Variants in GRK5 observed in about 807,000 individuals in gnomAD.
GRK5 encodes g protein-coupled receptor kinase GRK5.
In GRK5, 40 loss-of-function variants were observed where a neutral mutation model predicts 78.4. That is an observed-to-expected ratio of 0.51 (90% CI 0.40 to 0.66). The LOEUF (loss-of-function observed/expected upper bound fraction) is 0.66. GRK5 is among the 30% of genes least tolerant of loss of function. The probability of loss-of-function intolerance (pLI) is 0.00; values close to 1 mark genes in which losing one functional copy is unlikely to be tolerated. For synonymous variants in GRK5, 289 were observed against 296.8 expected, an observed-to-expected ratio of 0.97 and a Z score of 0.27; for missense variants, 598 against 759.9, an observed-to-expected ratio of 0.79 and a Z score of 2.50.
intron 2 of GRK5, among the ~76,000 whole-genome samples, chr10:119,351,319 C>T (rs1016105618): frequency 9.2e-5 from 14 of 152,162 alleles, no homozygotes; most frequent in African/African-American, 1.7e-4. Context: ...ACCCAAGTCT[C>T]GTCTTGAATC....
chr10:119,453,907 A>G (rs1034351515), intron 15 of GRK5, among the ~76,000 whole-genome samples: 1 of 152,260 alleles, frequency 6.6e-6, no homozygotes, highest in East Asian at 1.9e-4. Context: ...GGCCCTGGGT[A>G]AGGGTTGGTG....
chr10:119,442,421 G>A (rs140664816), intron 11 of GRK5, among the ~76,000 whole-genome samples: 1 of 152,212 alleles, frequency 6.6e-6, no homozygotes. Context: ...TGGGAGGAGA[G>A]GCCTTTGAGA....
intron 1 of GRK5, among the ~76,000 whole-genome samples, chr10:119,310,700 G>A (rs965152113): frequency 9.9e-5 from 15 of 152,192 alleles, no homozygotes; most frequent in African/African-American, 3.6e-4. Flanking sequence ...CAGGCAGGGC[G>A]GGGTTGGGGA....
Position 119,443,662 on chromosome 10 carries a change from G to A in GRK5, c.1176G>A (p.Val392=), listed in dbSNP as rs200876105. 1.7e-5 allele frequency: 28 copies of A among 1,613,624 alleles called. No homozygotes were observed. In the East Asian group the frequency reaches 2.7e-4, roughly 15 times the overall value. The change falls in exon 12 of 16, where the codon GTG becomes GTA. Residue 392 remains valine, a synonymous_variant. Coordinates refer to ENST00000392870, the MANE Select transcript of GRK5 (RefSeq NM_005308.3). ...CGTTCCGCGGCCGCAAGGAGAAGGT[G>A]AAGCGGGAGGAGGTGGACCGCCGGG... ...QSPFRGRKEK[V]KREEVDRRVL... is the part of the protein sequence containing the mutation.
chr10:119,272,591 A>G (rs919020510), intron 1 of GRK5, among the ~76,000 whole-genome samples: 10 of 115,422 alleles, frequency 8.7e-5, no homozygotes, highest in Non-Finnish European at 1.5e-4. Context: ...AAAAAAAAAA[A>G]AAGAAAGAAA....
intron 3 of GRK5, among the ~76,000 whole-genome samples, chr10:119,382,923 C>CTTTT (rs71016567): frequency 6.7e-6 from 1 of 149,034 alleles, no homozygotes. Context: ...ATATTTCTTT[C>CTTTT]TTTTTTTTTT....
At chr10:119,387,392 G>A (rs1224802704) in intron 3 of GRK5, among the ~76,000 whole-genome samples, 1 of 152,204 alleles carries the variant, frequency 6.6e-6, no homozygotes, top group Non-Finnish European at 1.5e-5. Flanking sequence ...TTTCTGGGCA[G>A]CAGAACTGTT....
intron 9 of GRK5, among the ~76,000 whole-genome samples, chr10:119,437,756 T>C (rs1197283706): frequency 6.6e-6 from 1 of 152,218 alleles, no homozygotes; most frequent in Non-Finnish European, 1.5e-5. Context: ...TATAGATACA[T>C]ACAAGAGTTT....
intron 2 of GRK5, among the ~76,000 whole-genome samples, chr10:119,365,977 C>T (rs1036401870): frequency 1.3e-5 from 2 of 152,198 alleles, no homozygotes; most frequent in African/African-American, 4.8e-5. Flanking sequence ...TATTGCACCC[C>T]GGCTCTGTGC....
chr10:119,427,526 G>A (rs866916624), intron 6 of GRK5, among the ~76,000 whole-genome samples: 53 of 144,902 alleles, frequency 3.7e-4, no homozygotes, highest in African/African-American at 1.2e-3. Flanking sequence ...CAGCATCACC[G>A]CCATCATCAG....
intron 3 of GRK5, among the ~76,000 whole-genome samples, chr10:119,391,324 T>C (rs1851884830): frequency 6.6e-6 from 1 of 151,946 alleles, no homozygotes; most frequent in African/African-American, 2.4e-5. Context: ...ACCCCCATCA[T>C]GCACTGCTCG....
intron 1 of GRK5, among the ~76,000 whole-genome samples, chr10:119,302,692 C>T (rs971175595): frequency 2.0e-5 from 3 of 152,206 alleles, no homozygotes; most frequent in African/African-American, 7.2e-5. Context: ...AATGTAAATA[C>T]TTCTTGGGGC....
chr10:119,355,029 G>A (rs1411461373), intron 2 of GRK5, among the ~76,000 whole-genome samples: 1 of 151,942 alleles, frequency 6.6e-6, no homozygotes, highest in Admixed American at 6.6e-5. Context: ...TAATTCTCCT[G>A]TATACTTTAA....
rs1346280837 is a variant in GRK5 at position 119,430,935 on chromosome 10, G to A, written c.598-452G>A. Among the ~76,000 whole-genome samples the A allele has an allele frequency of 2.6e-5, 4 of 152,226 alleles. No individual in the cohort carries two copies. The highest frequency in any genetic ancestry group is 5.9e-5 in the Non-Finnish European group (4 of 68,028). On this transcript the variant is annotated intron_variant, in intron 7 of 15. Transcript: ENST00000392870. The surrounding 1 kb of genome is among the most constrained non-coding windows in gnomAD (Gnocchi z 4.5). ...ACCCAGCCAAGGGCGCGCAGACAATGTGAGGCAGAGCTAAGACTTAAGCCC... is the reference window on the plus strand; with the variant it reads ...ACCCAGCCAAGGGCGCGCAGACAATATGAGGCAGAGCTAAGACTTAAGCCC...
At chr10:119,260,553 C>A (rs887686976) in intron 1 of GRK5, among the ~76,000 whole-genome samples, 3 of 151,824 alleles carry the variant, frequency 2.0e-5, no homozygotes, top group South Asian at 2.1e-4. Flanking sequence ...GACCCTGCGG[C>A]CTTCCGCAGC....
At chr10:119,352,666 T>G (rs1418773014) in intron 2 of GRK5, among the ~76,000 whole-genome samples, 1 of 152,180 alleles carries the variant, frequency 6.6e-6, no homozygotes, top group Non-Finnish European at 1.5e-5. Context: ...GAGGGGAAAG[T>G]TGCAGCGATT....
intron 1 of GRK5, among the ~76,000 whole-genome samples, chr10:119,209,487 GT>G (rs60169912): frequency 0.012 from 1,158 of 98,518 alleles, 22 homozygotes; most frequent in African/African-American, 0.036. Context: ...TGTGTGTGTG[GT>G]TTTTTTTTTT....
chr10:119,284,309 T>G (rs1029344337), intron 1 of GRK5, among the ~76,000 whole-genome samples: 18 of 152,166 alleles, frequency 1.2e-4, no homozygotes, highest in South Asian at 6.2e-4. Flanking sequence ...GGTTATCATT[T>G]TAGTATATCA....
intron 4 of GRK5, among the ~76,000 whole-genome samples, chr10:119,421,205 C>T (rs1046593449): frequency 2.6e-5 from 4 of 152,228 alleles, no homozygotes; most frequent in East Asian, 1.9e-4. Flanking sequence ...GCCAAGCCAT[C>T]GGCTCTCTCC....
Sources: allele counts gnomAD v4.1 joint callset (sites outside exome capture counted in the v4.1 genomes callset), GRCh38; gene constraint gnomAD v4.1.1; non-coding constraint Gnocchi (gnomAD v3.1); transcripts MANE v1.5; gene names NCBI Gene and HGNC (gene_info 2026-07-23, HGNC 2026-07-21).